CRACD: variants seen among roughly 807,000 people sequenced by gnomAD.
CRACD encodes capping protein-inhibiting regulator of actin dynamics.
Under a neutral mutation model 106.8 loss-of-function variants are expected in CRACD, and 56 were observed. The ratio of observed to expected loss-of-function variants is 0.52; its 90% CI spans 0.42 to 0.66. CRACD has a LOEUF of 0.66. Among genes scored for constraint, CRACD ranks in the 30% least tolerant of loss-of-function variants. The pLI is 0.00. For synonymous variants in CRACD, 754 were observed against 670.8 expected (o/e 1.12, Z -1.92); for missense variants, 1,730 against 1,623.2 (o/e 1.07, Z -1.13).
chr4:56,202,868 T>C (rs887172299), intron 2 of CRACD, among the ~76,000 whole-genome samples: 1 of 152,160 alleles, frequency 6.6e-6, no homozygotes, highest in Admixed American at 6.5e-5. Flanking sequence ...CTAGAGATAA[T>C]AGTAGGCTAA....
At chr4:56,184,554 T>G (rs1737002767) in intron 2 of CRACD, among the ~76,000 whole-genome samples, 1 of 152,232 alleles carries the variant, frequency 6.6e-6, no homozygotes, top group Non-Finnish European at 1.5e-5. Flanking sequence ...TCTCCTCGAT[T>G]GCCTTTTGGT....
In CRACD at chr4:56,136,716, T is replaced by C. The variant is rs140667404; in HGVS notation, c.-335-42568T>C. ...TCCCACCTTCTGGCTTGCCTTTTCA[T>C]GTTCTTAACTGTATCTTTTGAAGAG... On this transcript the variant is annotated intron_variant, in intron 1 of 10. Transcript: ENST00000682029. 9.1e-4 allele frequency among the ~76,000 whole-genome samples: 139 copies of C among 152,368 alleles called. 2 individuals are homozygous for C. Among genetic ancestry groups the C allele is most frequent in the African/African-American group, 3.0e-3 (126 of 41,602 alleles).
chr4:56,302,291 T>C (rs28651812), intron 4 of CRACD, among the ~76,000 whole-genome samples: 15,882 of 152,244 alleles, frequency 0.1, 846 homozygotes, highest in South Asian at 0.18. Context: ...CCCACCAGCA[T>C]GGATCAGGGA....
intron 2 of CRACD, among the ~76,000 whole-genome samples, chr4:56,243,361 G>A (rs1398285373): frequency 1.3e-5 from 2 of 152,278 alleles, no homozygotes; most frequent in East Asian, 3.9e-4. Context: ...AACAAAATAG[G>A]AAGAATAGAA....
chr4:56,245,838 G>A (rs983354765), intron 2 of CRACD, among the ~76,000 whole-genome samples: 4 of 152,216 alleles, frequency 2.6e-5, no homozygotes, highest in African/African-American at 9.6e-5. Flanking sequence ...GGTTGAGATA[G>A]CAAATAATTT....
chr4:56,233,409 A>G (rs1347248587), intron 2 of CRACD, among the ~76,000 whole-genome samples: 1 of 152,054 alleles, frequency 6.6e-6, no homozygotes, highest in African/African-American at 2.4e-5. Flanking sequence ...GCATAGGAAT[A>G]TACAGTTTTT....
At chr4:56,196,171 C>T (rs1381834412) in intron 2 of CRACD, among the ~76,000 whole-genome samples, 1 of 152,096 alleles carries the variant, frequency 6.6e-6, no homozygotes, top group East Asian at 1.9e-4. Flanking sequence ...CAGTTTGTTT[C>T]CTCCATCTCT....
intron 1 of CRACD, among the ~76,000 whole-genome samples, chr4:56,078,853 G>A (rs1732929657): frequency 6.6e-6 from 1 of 152,226 alleles, no homozygotes; most frequent in Admixed American, 6.5e-5. Flanking sequence ...CTCTTAGCCT[G>A]GTTGAGCAGA....
intron 1 of CRACD, among the ~76,000 whole-genome samples, chr4:56,079,198 C>A (rs185280811): frequency 6.6e-6 from 1 of 152,142 alleles, no homozygotes; most frequent in Non-Finnish European, 1.5e-5. Context: ...TTTCCCAAAA[C>A]AACTTTAGAA....
At chr4:56,180,036 C>A (rs1736747053) in intron 2 of CRACD, among the ~76,000 whole-genome samples, 1 of 151,772 alleles carries the variant, frequency 6.6e-6, no homozygotes, top group African/African-American at 2.4e-5. Flanking sequence ...AAATGGTTAT[C>A]ATTGTTCATT....
intron 2 of CRACD, among the ~76,000 whole-genome samples, chr4:56,235,342 C>G (rs1739902296): frequency 6.6e-6 from 1 of 152,162 alleles, no homozygotes; most frequent in South Asian, 2.1e-4. Flanking sequence ...TAGAAACTTT[C>G]ATTTTGTGAG....
intron 9 of CRACD, 84 bp from the exon 10 acceptor site, chr4:56,324,020 C>T (rs376051058): frequency 4.9e-6 from 7 of 1,440,994 alleles, no homozygotes; most frequent in East Asian, 4.6e-5. Context: ...GGCTGGCAGG[C>T]AGAGGCCCCG....
intron 1 of CRACD, among the ~76,000 whole-genome samples, chr4:56,127,327 C>T (rs1734691316): frequency 6.6e-6 from 1 of 152,096 alleles, no homozygotes; most frequent in African/African-American, 2.4e-5. Context: ...CTAAGACACC[C>T]TCATTTATAT....
intron 1 of CRACD, among the ~76,000 whole-genome samples, chr4:56,154,205 C>A (rs972324691): frequency 2.6e-5 from 4 of 152,138 alleles, no homozygotes; most frequent in Admixed American, 6.5e-5. Context: ...GTGGCGCATG[C>A]CTGTAATCTC....
rs545814719 is a variant in CRACD at position 56,129,425 on chromosome 4, C to A, written c.-335-49859C>A. ...TTCTGAGAACACAAAGGCAAAAAGC[C>A]TTAGGGCCTCGTGTGAACTGGCTTC... On this transcript the variant is annotated intron_variant, in intron 1 of 10. Coordinates refer to ENST00000682029, the MANE Select transcript of CRACD (RefSeq NM_001393381.1). 2.6e-5 allele frequency among the ~76,000 whole-genome samples: 4 copies of A among 152,312 alleles called. No homozygotes were observed. In the South Asian group the frequency reaches 8.3e-4, roughly 32 times the overall value.
intron 2 of CRACD, among the ~76,000 whole-genome samples, chr4:56,239,417 C>T (rs1249297821): frequency 6.6e-5 from 10 of 151,954 alleles, no homozygotes; most frequent in Non-Finnish European, 1.5e-4. Context: ...AAGAGATTAG[C>T]ATGGCCTTGT....
intron 3 of CRACD, 100 bp from the exon 4 acceptor site, chr4:56,298,114 G>T: frequency 1.5e-6 from 2 of 1,308,872 alleles, no homozygotes; most frequent in South Asian, 1.4e-5. Flanking sequence ...GAATGAGACT[G>T]GGAATGTGGG....
Position 56,182,564 on chromosome 4 carries a change from G to C in CRACD, c.-189+3134G>C, listed in dbSNP as rs375746927. ...GCTGCTTATGTGCTACTAGGGCCGTGATATCAGGCTGGAGCTGACAAGACA... is the reference window on the plus strand; with the variant it reads ...GCTGCTTATGTGCTACTAGGGCCGTCATATCAGGCTGGAGCTGACAAGACA... On this transcript the variant is annotated intron_variant, in intron 2 of 10. Transcript: ENST00000682029. Among the ~76,000 whole-genome samples the C allele has an allele frequency of 1.4e-4, 22 of 152,188 alleles. No individual in the cohort carries two copies. In the South Asian group the frequency reaches 4.4e-3, roughly 30 times the overall value.
Position 56,106,166 on chromosome 4 carries a change from C to T in CRACD, c.-336+56867C>T, listed in dbSNP as rs564971461. Among the ~76,000 whole-genome samples the T allele has an allele frequency of 5.9e-4, 89 of 151,814 alleles. 1 individual carries two copies. Among genetic ancestry groups the T allele is most frequent in the South Asian group, 4.8e-3 (23 of 4,798 alleles). ...CCATTCAGGGGCCTGGATGAGGCAA[C>T]TGTACTTGCAAGTCCAGACTTCTTG... On this transcript the variant is annotated intron_variant, in intron 1 of 10. Coordinates refer to ENST00000682029, the MANE Select transcript of CRACD (RefSeq NM_001393381.1).
Sources: gnomAD v4.1 joint callset for allele counts (sites outside exome capture counted in the v4.1 genomes callset) on GRCh38, gnomAD v4.1.1 for gene constraint, MANE v1.5 for transcripts, NCBI Gene and HGNC (gene_info 2026-07-23, HGNC 2026-07-21) for gene names.